NPFFR1: variants seen among roughly 807,000 people sequenced by gnomAD.
The protein encoded by NPFFR1 is G-protein coupled receptor 147.
A neutral mutation model predicts 12.7 loss-of-function variants in NPFFR1; 17 were observed. The observed-to-expected ratio is 1.34, with a 90% confidence interval of 0.92 to 2.01. The LOEUF (loss-of-function observed/expected upper bound fraction) is 2.01. Among genes scored for constraint, NPFFR1 ranks in the 30% most tolerant of loss-of-function variants. The probability of loss-of-function intolerance (pLI) is 0.00; values close to 1 mark genes in which losing one functional copy is unlikely to be tolerated. For synonymous variants in NPFFR1, 296 were observed against 264.5 expected (o/e 1.12, Z -1.16); for missense variants, 604 against 606.5 (o/e 1.00, Z 0.04).
intron 2 of NPFFR1, 133 bp from the exon 3 acceptor site, chr10:70,260,872 T>C: frequency 1.3e-6 from 1 of 741,508 alleles, no homozygotes; most frequent in Non-Finnish European, 2.3e-6. Context: ...ATCTGGTCTC[T>C]GCTTGCAGAC....
intron 1 of NPFFR1, among the ~76,000 whole-genome samples, chr10:70,275,623 G>C (rs1483214453): frequency 6.6e-6 from 1 of 151,952 alleles, no homozygotes; most frequent in Non-Finnish European, 1.5e-5. Flanking sequence ...AAATGTCTTA[G>C]GGGTAGAAAG....
intron 1 of NPFFR1, among the ~76,000 whole-genome samples, chr10:70,268,503 G>A (rs1415886391): frequency 6.6e-6 from 1 of 152,158 alleles, no homozygotes; most frequent in African/African-American, 2.4e-5. Context: ...TTGGCAATCT[G>A]AGTAGTTCTT....
rs922920681 is a variant in NPFFR1 at position 70,247,454 on chromosome 10, G to A, written c.*7503C>T. 7.2e-5 allele frequency: 11 copies of A among 152,150 alleles called. No individual in the cohort carries two copies. The highest frequency in any genetic ancestry group is 2.2e-4 in the African/African-American group (9 of 41,426). 9.4% of individuals were successfully genotyped at this position (152,150 alleles called of 1,614,324 possible). A position where few individuals can be genotyped will look rare whatever the true frequency, so the allele number is the denominator to read the frequency against. On this transcript the variant is annotated 3_prime_UTR_variant, in exon 4 of 4. Transcript: ENST00000277942. ...ATTAGAGGTGGCTTCGGAGGACCAC[G>A]AGACAGCACTATGGACAAACAAAAT...
At chr10:70,283,527 C>G in intron 1 of NPFFR1, 143 bp downstream of exon 1, 4 of 854,232 alleles carry the variant, frequency 4.7e-6, no homozygotes, top group Non-Finnish European at 7.6e-6. Flanking sequence ...GTGTCTCTGT[C>G]TCTGTCACAC....
rs1263173400 is a variant in NPFFR1, at chr10:70,251,822, C to A, written c.*3135G>T. 2.0e-5 allele frequency: 3 copies of A among 152,210 alleles called. No individual in the cohort carries two copies. Among genetic ancestry groups the A allele is most frequent in the African/African-American group, 7.2e-5 (3 of 41,434 alleles). The allele number at this position is 152,210 out of a possible 1,614,324, so 9.4% of individuals were successfully genotyped here. On this transcript the variant is annotated 3_prime_UTR_variant, in exon 4 of 4. Coordinates refer to ENST00000277942, the MANE Select transcript of NPFFR1 (RefSeq NM_022146.5). ...TAGGAATCCAGTGAGGATAATAAAT[C>A]TATAATTATAAAATAGCTTCATAAA...
chr10:70,272,444 G>T (rs1025654881), intron 1 of NPFFR1, among the ~76,000 whole-genome samples: 2 of 152,228 alleles, frequency 1.3e-5, no homozygotes, highest in African/African-American at 4.8e-5. Context: ...AGGCCTGGAT[G>T]CAGAGACGCT....
rs1428113589 is a variant in NPFFR1, at chr10:70,250,412, A to G, written c.*4545T>C. ...GGTATCTACCCAAGAAAAATGGAAA[A>G]CATACATACACATACATATAAGGAC... On this transcript the variant is annotated 3_prime_UTR_variant, in exon 4 of 4. Coordinates refer to ENST00000277942, the MANE Select transcript of NPFFR1 (RefSeq NM_022146.5). 1 of 152,218 alleles carries G rather than the reference A, an allele frequency of 6.6e-6. No homozygotes were observed. Among genetic ancestry groups the G allele is most frequent in the Non-Finnish European group, 1.5e-5 (1 of 68,040 alleles). The allele number at this position is 152,218 out of a possible 1,614,324, so 9.4% of individuals were successfully genotyped here.
At chr10:70,263,226 G>A (rs780929942) in intron 2 of NPFFR1, among the ~76,000 whole-genome samples, 5 of 152,058 alleles carry the variant, frequency 3.3e-5, no homozygotes, top group Non-Finnish European at 7.4e-5. Context: ...ACTTAAAAAG[G>A]CAGATTTTAA....
chr10:70,261,920 ACAGGCATGTGGTTTGCAAAAAG>A (rs1209398854), intron 2 of NPFFR1, among the ~76,000 whole-genome samples: 5 of 152,202 alleles, frequency 3.3e-5, no homozygotes, highest in Admixed American at 2.6e-4. Context: ...AGCTGGAACC[ACAGGCATGTGGTTTGCAAAAAG>A]CAAAGTATAA....
chr10:70,260,573 G>T, intron 3 of NPFFR1, 67 bp downstream of exon 3: 1 of 1,343,418 alleles, frequency 7.4e-7, no homozygotes, highest in Non-Finnish European at 1.0e-6. Flanking sequence ...CAGCATTAGA[G>T]GCAGTGGCTC....
intron 2 of NPFFR1, among the ~76,000 whole-genome samples, chr10:70,262,399 C>G (rs1385087395): frequency 6.6e-6 from 1 of 152,162 alleles, no homozygotes; most frequent in Non-Finnish European, 1.5e-5. Flanking sequence ...AGTATTTTGA[C>G]TGTATACTAT....
rs575081318 is a variant in NPFFR1, at chr10:70,283,394, G to T, written c.7+276C>A. Among the ~76,000 whole-genome samples the T allele has an allele frequency of 1.4e-4, 21 of 151,222 alleles. No individual in the cohort carries two copies. The South Asian group carries it at 4.2e-3, about 30-fold the overall frequency. Reference sequence around the variant, plus strand: ...CACACAGGCACAACATGAATACAGAGCACCCCCAGGTCTTTCTCTCCATCT... The same window carrying T: ...CACACAGGCACAACATGAATACAGATCACCCCCAGGTCTTTCTCTCCATCT... On this transcript the variant is annotated intron_variant, in intron 1 of 3. Transcript: ENST00000277942.
At chr10:70,271,485 C>T (rs1364821903) in intron 1 of NPFFR1, among the ~76,000 whole-genome samples, 2 of 151,928 alleles carry the variant, frequency 1.3e-5, no homozygotes, top group African/African-American at 4.8e-5. Flanking sequence ...TGCACTCTAG[C>T]CTGGCTGACA....
chr10:70,283,394 G>C (rs575081318), intron 1 of NPFFR1, among the ~76,000 whole-genome samples: 16 of 151,222 alleles, frequency 1.1e-4, no homozygotes, highest in South Asian at 8.4e-4. Flanking sequence ...TGAATACAGA[G>C]CACCCCCAGG....
rs959094995 is a variant in NPFFR1 at position 70,255,956 on chromosome 10, C to A, written c.423-129G>T. On this transcript the variant is annotated intron_variant, in intron 3 of 3. Coordinates refer to ENST00000277942, the MANE Select transcript of NPFFR1 (RefSeq NM_022146.5). This position sits in a 1 kb window ranked among gnomAD's most constrained non-coding sequence, Gnocchi z 4.2. Reference sequence around the variant, plus strand: ...GGCGGCGTCGAAGAACAGCTCAGACCTGAATTGGCTGAGTAGTCAAAGAAC... The same window carrying A: ...GGCGGCGTCGAAGAACAGCTCAGACATGAATTGGCTGAGTAGTCAAAGAAC... 3 of 935,732 alleles carry A rather than the reference C, an allele frequency of 3.2e-6. No homozygotes were observed. The highest frequency in any genetic ancestry group is 3.3e-5 in the African/African-American group (2 of 59,908). The allele number at this position is 935,732 out of a possible 1,614,324, so 58.0% of individuals were successfully genotyped here.
intron 1 of NPFFR1, among the ~76,000 whole-genome samples, chr10:70,270,096 G>A (rs777772695): frequency 1.3e-5 from 2 of 152,216 alleles, no homozygotes; most frequent in Non-Finnish European, 2.9e-5. Context: ...CACCTGCAAA[G>A]CAAGGATCTT....
In NPFFR1 at chr10:70,254,900, A is replaced by T. The variant is rs7076262; in HGVS notation, c.*57T>A. 2.2e-6 allele frequency: 3 copies of T among 1,377,582 alleles called. No homozygotes were observed. Among genetic ancestry groups the T allele is most frequent in the Non-Finnish European group, 1.9e-6 (2 of 1,071,292 alleles). 85.3% of individuals were successfully genotyped at this position (1,377,582 alleles called of 1,614,324 possible). On this transcript the variant is annotated 3_prime_UTR_variant, in exon 4 of 4. Coordinates refer to ENST00000277942, the MANE Select transcript of NPFFR1 (RefSeq NM_022146.5). The stretch of plus-strand genomic sequence containing the variant: ...ACCACACCAGGCCGCTATCGCCTGC[A>T]TGTATCTCGTGTCCAATCGGGGCCC...
chr10:70,252,498 A>G lies in NPFFR1; in HGVS notation c.*2459T>C, dbSNP rs1840521073. The G allele has an allele frequency of 6.6e-6, 1 of 152,204 alleles. No homozygotes were observed. 9.4% of individuals were successfully genotyped at this position (152,204 alleles called of 1,614,324 possible). On this transcript the variant is annotated 3_prime_UTR_variant, in exon 4 of 4. Coordinates refer to ENST00000277942, the MANE Select transcript of NPFFR1 (RefSeq NM_022146.5). ...TGAATATATTTAATTCCAGTCCTGT[A>G]CACTTAAAAATGGCCAAAATGGTAA...
chr10:70,259,918 T>G (rs1198314712), intron 3 of NPFFR1, among the ~76,000 whole-genome samples: 2 of 151,754 alleles, frequency 1.3e-5, no homozygotes, highest in Non-Finnish European at 2.9e-5. Context: ...AAGGCAGGAG[T>G]GAGCAAATCT....
Sources: gnomAD v4.1 joint callset for allele counts (sites outside exome capture counted in the v4.1 genomes callset) on GRCh38, gnomAD v4.1.1 for gene constraint, Gnocchi (gnomAD v3.1) non-coding constraint, MANE v1.5 for transcripts, NCBI Gene and HGNC (gene_info 2026-07-23, HGNC 2026-07-21) for gene names.